Variants in RPP30 observed in about 807,000 individuals in gnomAD.
The protein encoded by RPP30 is ribonuclease P/MRP subunit p30, also known as ribonuclease P protein subunit p30.
Under a neutral mutation model 38.6 loss-of-function variants are expected in RPP30, and 36 were observed. The observed-to-expected ratio is 0.93, with a 90% CI of 0.71 to 1.23. The LOEUF (loss-of-function observed/expected upper bound fraction) is 1.23. Ranked by LOEUF, RPP30 falls within the 50% of genes most tolerant of loss-of-function variation. The pLI, the probability that RPP30 is intolerant of heterozygous loss-of-function variation, is 0.00. For synonymous variants in RPP30, 126 were observed against 112.7 expected, an observed-to-expected ratio of 1.12 and a Z score of -0.75; for missense variants, 321 against 321.7, an observed-to-expected ratio of 1.00 and a Z score of 0.02.
intron 10 of RPP30, among the ~76,000 whole-genome samples, chr10:90,899,114 G>A (rs1019848174): frequency 6.6e-6 from 1 of 152,158 alleles, no homozygotes; most frequent in African/African-American, 2.4e-5. Flanking sequence ...GTTAAAAAGT[G>A]CTGATTTTCA....
At chr10:90,898,582 G>C (rs1847169307) in intron 10 of RPP30, among the ~76,000 whole-genome samples, 1 of 152,146 alleles carries the variant, frequency 6.6e-6, no homozygotes, top group South Asian at 2.1e-4. Flanking sequence ...GCAGTGCACT[G>C]AAACACTATT....
Position 90,879,084 on chromosome 10 carries a change from CG to C in RPP30, c.294del (p.Leu99SerfsTer22). Reference sequence around the variant, plus strand: ...CTAGAGAGCAACTTCTTCAAGGGCCCGGCTCTATGATGTTGTTGCAGTTTTT... The same window carrying C: ...CTAGAGAGCAACTTCTTCAAGGGCCCGCTCTATGATGTTGTTGCAGTTTTT... ...NVLRATSSRA[R>X]LYDVVAVFPK... On this transcript the variant is annotated frameshift_variant, in exon 5 of 11. Transcript: ENST00000371703. LOFTEE classifies it high-confidence loss of function. The C allele has an allele frequency of 1.2e-6, 2 of 1,613,908 alleles. No individual in the cohort carries two copies. The highest frequency in any genetic ancestry group is 4.5e-5 in the East Asian group (2 of 44,848).
chr10:90,884,879 G>A (rs1463331591), intron 5 of RPP30, among the ~76,000 whole-genome samples: 2 of 152,178 alleles, frequency 1.3e-5, no homozygotes, highest in African/African-American at 2.4e-5. Context: ...TGTCTGTCAA[G>A]CCTGTACACA....
chr10:90,892,365 C>T (rs1036834448), intron 6 of RPP30, among the ~76,000 whole-genome samples: 5 of 152,142 alleles, frequency 3.3e-5, no homozygotes, highest in African/African-American at 1.2e-4. Context: ...TTCAATAGCA[C>T]ATTATTTTTA....
intron 10 of RPP30, 109 bp downstream of exon 10, chr10:90,896,501 C>A: frequency 2.5e-6 from 2 of 791,132 alleles, no homozygotes; most frequent in Non-Finnish European, 2.1e-6. Flanking sequence ...TTGGGATCAT[C>A]TTTTCTCAAC....
intron 4 of RPP30, among the ~76,000 whole-genome samples, chr10:90,876,712 T>G (rs922405438): frequency 6.6e-6 from 1 of 152,148 alleles, no homozygotes; most frequent in African/African-American, 2.4e-5. Flanking sequence ...TTACATGGCA[T>G]AAGGTTAAAG....
chr10:90,885,573 A>G (rs963263311), intron 5 of RPP30, among the ~76,000 whole-genome samples: 1 of 152,230 alleles, frequency 6.6e-6, no homozygotes, highest in African/African-American at 2.4e-5. Context: ...TCCAGGCCCT[A>G]TCTTTTGAGA....
chr10:90,900,975 G>A lies in RPP30; in HGVS notation c.*296G>A. The A allele has an allele frequency of 1.4e-5, 15 of 1,062,528 alleles. No individual in the cohort carries two copies. The highest frequency in any genetic ancestry group is 1.7e-5 in the Non-Finnish European group (15 of 878,156). The allele number at this position is 1,062,528 out of a possible 1,614,324, so 65.8% of individuals were successfully genotyped here. ...AATATACTTGAATAAAATGTTTCAG[G>A]TATTTTTGTTTCATTTTGTTTTTGA... is the stretch of plus-strand genomic sequence containing the variant. On this transcript the variant is annotated 3_prime_UTR_variant, in exon 11 of 11. Coordinates refer to ENST00000371703, the MANE Select transcript of RPP30 (RefSeq NM_006413.5).
At chr10:90,889,354 C>T (rs1343398495) in intron 6 of RPP30, among the ~76,000 whole-genome samples, 4 of 145,830 alleles carry the variant, frequency 2.7e-5, no homozygotes, top group African/African-American at 7.7e-5. Context: ...TGTCCACCCA[C>T]GCTGGAGTGC....
rs1846808265 is a variant in RPP30 at position 90,873,320 on chromosome 10, T to A, written c.82+1252T>A. Among the ~76,000 whole-genome samples, 3 of 152,326 alleles carry A rather than the reference T, an allele frequency of 2.0e-5. No individual in the cohort carries two copies. In the South Asian group the frequency reaches 6.2e-4, roughly 32 times the overall value. On this transcript the variant is annotated intron_variant, in intron 1 of 10. Coordinates refer to ENST00000371703, the MANE Select transcript of RPP30 (RefSeq NM_006413.5). ...AAGAGGTGTGGTAATATATGTACAT[T>A]GTTAGTGGTTATTTGTTTGTAAATT... is the stretch of plus-strand genomic sequence containing the variant.
At position 90,875,566 on chromosome 10, in the gene RPP30, A is replaced by G. The variant is rs763986803; in HGVS notation, c.147A>G (p.Glu49=). ...VDFKEKKQEI[E]KPVAVSELFT... ...TTTATCGTTTGTTGTAGGAAATTGA[A>G]AAACCAGTAGCTGTTTCTGAACTCT... Residue 49 remains glutamate (E), a synonymous_variant, in exon 3 of 11, where the codon GAA becomes GAG. Coordinates refer to ENST00000371703, the MANE Select transcript of RPP30 (RefSeq NM_006413.5). 1.2e-6 allele frequency: 2 copies of G among 1,613,464 alleles called. No homozygotes were observed. The highest frequency in any genetic ancestry group is 4.5e-5 in the East Asian group (2 of 44,804).
chr10:90,900,712 T>A lies in RPP30; in HGVS notation c.*33T>A. The stretch of plus-strand genomic sequence containing the variant: ...GCCCCAGTCTCTGTCAGCACTCCCT[T>A]CTTCCCTTTTATAGTTCATCAGCCA... On this transcript the variant is annotated 3_prime_UTR_variant, in exon 11 of 11. Transcript: ENST00000371703. The A allele has an allele frequency of 6.3e-7, 1 of 1,598,130 alleles. No homozygotes were observed. The highest frequency in any genetic ancestry group is 8.5e-7 in the Non-Finnish European group (1 of 1,174,368).
At chr10:90,907,730 T>C (rs1172520014), downstream of RPP30, among the ~76,000 whole-genome samples, 1 of 152,228 alleles carries the variant, frequency 6.6e-6, no homozygotes, top group Non-Finnish European at 1.5e-5. Context: ...AACTCCTGTT[T>C]ACCTTTCAGA....
At chr10:90,881,056 T>C (rs1299146442) in intron 5 of RPP30, among the ~76,000 whole-genome samples, 2 of 152,236 alleles carry the variant, frequency 1.3e-5, no homozygotes, top group African/African-American at 4.8e-5. Flanking sequence ...TGATTTAGAA[T>C]AAAAGTTGCA....
At chr10:90,878,605 C>T (rs559474077) in intron 4 of RPP30, among the ~76,000 whole-genome samples, 1 of 152,078 alleles carries the variant, frequency 6.6e-6, no homozygotes, top group East Asian at 1.9e-4. Flanking sequence ...GACCCTTCTG[C>T]TTCAGGCCCC....
At chr10:90,904,285 G>C (rs578104914), downstream of RPP30, among the ~76,000 whole-genome samples, 16 of 152,262 alleles carry the variant, frequency 1.1e-4, no homozygotes, top group African/African-American at 3.6e-4. Context: ...TGAAATAATT[G>C]GTTATCTATT....
rs1252075869 is a variant in RPP30 at position 90,901,743 on chromosome 10, A to G, written c.*1064A>G. On this transcript the variant is annotated 3_prime_UTR_variant, in exon 11 of 11. Transcript: ENST00000371703. Reference sequence around the variant, plus strand: ...TGTAAGGGCTCTAAAACAATGGAGTAGAGCCAGAGGTATAACTGAATAAGA... The same window carrying G: ...TGTAAGGGCTCTAAAACAATGGAGTGGAGCCAGAGGTATAACTGAATAAGA... 1.0e-6 allele frequency: 1 copy of G among 984,780 alleles called. No homozygotes were observed. The highest frequency in any genetic ancestry group is 1.2e-6 in the Non-Finnish European group (1 of 829,440). 61.0% of individuals were successfully genotyped at this position (984,780 alleles called of 1,614,324 possible).
intron 6 of RPP30, among the ~76,000 whole-genome samples, chr10:90,891,173 G>A (rs141491685): frequency 1.3e-5 from 2 of 152,340 alleles, no homozygotes; most frequent in Non-Finnish European, 2.9e-5. Context: ...AAATCAAGGT[G>A]TCAGCATGGT....
chr10:90,899,990 T>C (rs1804990400), intron 10 of RPP30, among the ~76,000 whole-genome samples: 1 of 152,266 alleles, frequency 6.6e-6, no homozygotes, highest in Non-Finnish European at 1.5e-5. Context: ...ATTTATTCTT[T>C]GTTCATTGTC....
Sources: gnomAD v4.1 joint callset for allele counts (sites outside exome capture counted in the v4.1 genomes callset) on GRCh38, gnomAD v4.1.1 for gene constraint, MANE v1.5 for transcripts, NCBI Gene and HGNC (gene_info 2026-07-23, HGNC 2026-07-21) for gene names.